Variants in ASB3 observed in about 807,000 individuals in gnomAD.
ASB3 encodes ankyrin repeat and SOCS box containing 3, also known as ankyrin repeat and SOCS box protein 3.
ASB3 carries 41 observed loss-of-function variants against 54.5 expected under a neutral mutation model. The observed-to-expected ratio is 0.75, with a 90% CI of 0.59 to 0.98. The LOEUF is 0.98. ASB3 is among the 50% of genes least tolerant of loss of function. The pLI is 0.00. For synonymous variants in ASB3, 266 were observed against 221.2 expected (o/e 1.20, Z -1.80); for missense variants, 733 against 620.0 (o/e 1.18, Z -1.94).
At chr2:53,767,946 G>C (rs1242665837) in intron 1 of ASB3, 1 of 1,614,162 alleles carries the variant, frequency 6.2e-7, no homozygotes, top group Non-Finnish European at 8.5e-7. Context: ...ATCAGGACAA[G>C]CTGGTCGGAT....
chr2:53,686,603 T>C lies in ASB3; in HGVS notation c.1369+7281A>G, dbSNP rs1010577756. Among the ~76,000 whole-genome samples the C allele has an allele frequency of 4.6e-5, 7 of 152,318 alleles. No individual in the cohort carries two copies. The East Asian group carries it at 7.7e-4, about 17-fold the overall frequency. The stretch of plus-strand genomic sequence containing the variant: ...CTACAGTGAATAAATAAAGTAGTTA[T>C]GTGGAAAGAGTGGGACGGGCTTTCA... On this transcript the variant is annotated intron_variant, in intron 9 of 9. Transcript: ENST00000263634.
At chr2:53,786,091 A>T (rs1221557604) in intron 1 of ASB3, among the ~76,000 whole-genome samples, 1 of 152,212 alleles carries the variant, frequency 6.6e-6, no homozygotes, top group African/African-American at 2.4e-5. Flanking sequence ...GTCGAGCTTT[A>T]GGGAATGGTA....
In ASB3 at chr2:53,714,578, G is replaced by A; in HGVS notation, c.786C>T (p.Ile262=). ...TAGTAAGTGGTATTAACAAGTCCAAGATTCTATAAATACACAAATTCAGGA... is the reference window on the plus strand; with the variant it reads ...TAGTAAGTGGTATTAACAAGTCCAAAATTCTATAAATACACAAATTCAGGA... ...HAAAQMGHTK[I]LDLLIPLTNR... The change falls in exon 7 of 10, where the codon ATC becomes ATT. Residue 262 remains isoleucine, a synonymous_variant. Coordinates refer to ENST00000263634, the MANE Select transcript of ASB3 (RefSeq NM_016115.5). 1 of 1,613,632 alleles carries A rather than the reference G, an allele frequency of 6.2e-7. No homozygotes were observed. Among genetic ancestry groups the A allele is most frequent in the African/African-American group, 1.3e-5 (1 of 75,032 alleles).
chr2:53,713,321 G>A (rs1670209337), intron 7 of ASB3, among the ~76,000 whole-genome samples: 1 of 152,186 alleles, frequency 6.6e-6, no homozygotes, highest in Non-Finnish European at 1.5e-5. Context: ...AATTCAAGAA[G>A]GCCAATACAA....
At chr2:53,695,674 T>C (rs1178168951) in intron 8 of ASB3, among the ~76,000 whole-genome samples, 3 of 152,154 alleles carry the variant, frequency 2.0e-5, no homozygotes, top group Admixed American at 6.6e-5. Context: ...AAATGTATTG[T>C]TACTTTACTA....
intron 2 of ASB3, among the ~76,000 whole-genome samples, chr2:53,762,863 G>C (rs1035630516): frequency 6.6e-6 from 1 of 152,162 alleles, no homozygotes; most frequent in Non-Finnish European, 1.5e-5. Context: ...CACCACACTT[G>C]AATGCTCTTC....
chr2:53,679,508 T>A (rs1668251174), intron 9 of ASB3, among the ~76,000 whole-genome samples: 1 of 152,144 alleles, frequency 6.6e-6, no homozygotes, highest in Admixed American at 6.6e-5. Flanking sequence ...GAAATGGGTC[T>A]ACCTGAGGCT....
chr2:53,700,942 A>G (rs1356278250), intron 7 of ASB3, among the ~76,000 whole-genome samples: 1 of 152,212 alleles, frequency 6.6e-6, no homozygotes, highest in Non-Finnish European at 1.5e-5. Flanking sequence ...CATTTTCCTT[A>G]GCAATAACCT....
At chr2:53,698,854 T>C (rs776680329) in intron 8 of ASB3, among the ~76,000 whole-genome samples, 3 of 152,204 alleles carry the variant, frequency 2.0e-5, no homozygotes, top group South Asian at 4.1e-4. Flanking sequence ...TACGGAAATA[T>C]AGGCTTTTTC....
chr2:53,778,164 A>T (rs1424873916), intron 1 of ASB3, among the ~76,000 whole-genome samples: 1 of 151,512 alleles, frequency 6.6e-6, no homozygotes, highest in African/African-American at 2.4e-5. Context: ...AAAAAAAAAA[A>T]AAAAAAAAGA....
intron 9 of ASB3, among the ~76,000 whole-genome samples, chr2:53,675,223 T>C (rs1668023571): frequency 1.3e-5 from 2 of 152,160 alleles, no homozygotes; most frequent in Admixed American, 6.6e-5. Flanking sequence ...CAGAATCTAG[T>C]GATCTCCAAA....
chr2:53,767,147 T>C (rs1431749017), intron 1 of ASB3: 1 of 152,184 alleles, frequency 6.6e-6, no homozygotes, highest in East Asian at 1.9e-4. Context: ...CCAAAGCCTT[T>C]ACAGGGGCCC....
At chr2:53,786,425 G>C (rs955722155) in intron 1 of ASB3, 3 of 152,156 alleles carry the variant, frequency 2.0e-5, no homozygotes, top group African/African-American at 4.8e-5. Flanking sequence ...TCACCTACGG[G>C]GAGATGGCGG....
At chr2:53,764,115 A>G (rs998952004) in intron 2 of ASB3, among the ~76,000 whole-genome samples, 9 of 152,232 alleles carry the variant, frequency 5.9e-5, no homozygotes, top group African/African-American at 2.2e-4. Flanking sequence ...CCAGCAGGTA[A>G]CAAATTAGTA....
chr2:53,763,540 G>A (rs1056840272), intron 2 of ASB3: 1 of 169,340 alleles, frequency 5.9e-6, no homozygotes, highest in African/African-American at 2.4e-5. Flanking sequence ...CGAACTTGAG[G>A]AGCATCCATG....
At chr2:53,713,700 C>A (rs1187660163) in intron 7 of ASB3, among the ~76,000 whole-genome samples, 2 of 152,028 alleles carry the variant, frequency 1.3e-5, no homozygotes, top group African/African-American at 4.8e-5. Context: ...ACTGCTTGAG[C>A]CCAGGAGTTC....
At chr2:53,730,303 T>C (rs1671229848) in intron 3 of ASB3, among the ~76,000 whole-genome samples, 1 of 152,190 alleles carries the variant, frequency 6.6e-6, no homozygotes, top group African/African-American at 2.4e-5. Flanking sequence ...AAATTAGGTA[T>C]ACTGTGAATG....
At chr2:53,764,954 T>C (rs921659202) in intron 2 of ASB3, among the ~76,000 whole-genome samples, 1 of 152,350 alleles carries the variant, frequency 6.6e-6, no homozygotes, top group Admixed American at 6.5e-5. Flanking sequence ...TGCTAAGTAG[T>C]TGTAAAAATT....
intron 3 of ASB3, chr2:53,748,435 A>C (rs1672344449): frequency 6.6e-6 from 1 of 152,190 alleles, no homozygotes; most frequent in Non-Finnish European, 1.5e-5. Flanking sequence ...ACTTAATATA[A>C]AAAAGCAATC....
Sources: gnomAD v4.1 joint callset for allele counts (sites outside exome capture counted in the v4.1 genomes callset) on GRCh38, gnomAD v4.1.1 for gene constraint, MANE v1.5 for transcripts, NCBI Gene and HGNC (gene_info 2026-07-23, HGNC 2026-07-21) for gene names.